SYT14: variants seen among roughly 807,000 people sequenced by gnomAD.
The protein encoded by SYT14 is synaptotagmin 14.
SYT14 carries 32 observed loss-of-function variants against 74.2 expected under a neutral mutation model. The ratio of observed to expected loss-of-function variants is 0.43; its 90% CI spans 0.33 to 0.58. The LOEUF (loss-of-function observed/expected upper bound fraction) is 0.58, where lower values mean the gene tolerates loss of function less well. Among genes scored for constraint, SYT14 ranks in the 20% least tolerant of loss-of-function variants. The pLI, the probability that SYT14 is intolerant of heterozygous loss-of-function variation, is 0.05. For missense variants in SYT14, 791 were observed against 981.8 expected, an observed-to-expected ratio of 0.81 and a Z score of 2.60; for synonymous variants, 298 against 337.7, an observed-to-expected ratio of 0.88 and a Z score of 1.29.
At chr1:210,153,309 CCT>C (rs781403849) in intron 7 of SYT14, among the ~76,000 whole-genome samples, 7 of 152,040 alleles carry the variant, frequency 4.6e-5, no homozygotes, top group Admixed American at 2.0e-4. Context: ...TTTCCATTCC[CCT>C]GATTACTAAT....
At position 210,000,470 on chromosome 1, in the gene SYT14, A is replaced by G. The variant is rs60234331; in HGVS notation, c.-485-13163A>G. Among the ~76,000 whole-genome samples, 188 of 145,072 alleles carry G rather than the reference A, an allele frequency of 1.3e-3. 1 individual carries two copies. Among genetic ancestry groups the G allele is most frequent in the South Asian group, 8.9e-3 (41 of 4,626 alleles). ...TTTAGTCCTTTGTCCTCATACGCAC[A>G]CACACACACACACACACACACACAC... On this transcript the variant is annotated intron_variant, in intron 2 of 9. Coordinates refer to ENST00000637265, the Ensembl canonical transcript of SYT14.
chr1:209,943,508 CAAAAAAAAAAAAAA>C (rs58806792), intron 1 of SYT14, among the ~76,000 whole-genome samples: 1 of 59,308 alleles, frequency 1.7e-5, no homozygotes, highest in Non-Finnish European at 2.9e-5. Flanking sequence ...GATTCAATCT[CAAAAAAAAAAAAAA>C]AAAAAAAAAA....
intron 7 of SYT14, among the ~76,000 whole-genome samples, chr1:210,130,680 C>T (rs2082655837): frequency 6.6e-6 from 1 of 152,100 alleles, no homozygotes; most frequent in Admixed American, 6.6e-5. Context: ...AGATTTGTTC[C>T]AAAATAACAC....
chr1:210,137,782 G>T (rs2082820894), intron 7 of SYT14, among the ~76,000 whole-genome samples: 1 of 151,054 alleles, frequency 6.6e-6, no homozygotes, highest in African/African-American at 2.4e-5. Context: ...CTGGGTTCAA[G>T]TGATTCTCCT....
At chr1:210,101,441 T>C (rs907934887) in intron 7 of SYT14, among the ~76,000 whole-genome samples, 1 of 152,172 alleles carries the variant, frequency 6.6e-6, no homozygotes, top group African/African-American at 2.4e-5. Flanking sequence ...GGCAACATTT[T>C]ATGTTGTAAG....
exon 4 of SYT14, chr1:210,016,166 C>T (rs1421785563): frequency 1.1e-5 from 13 of 1,231,936 alleles, no homozygotes; most frequent in East Asian, 9.5e-5. Context: ...GAGTGGCTTT[C>T]GCCCAGAAGA....
At chr1:209,953,394 C>A in intron 2 of SYT14, 1 of 539,782 alleles carries the variant, frequency 1.9e-6, no homozygotes, top group Non-Finnish European at 2.9e-6. Flanking sequence ...GAAAGATATT[C>A]CTGGGGAGGT....
intron 5 of SYT14, among the ~76,000 whole-genome samples, chr1:210,074,614 T>C (rs1301585071): frequency 6.6e-6 from 1 of 152,250 alleles, no homozygotes. Flanking sequence ...CTGTAAATTC[T>C]TTACTGTCGG....
At chr1:210,084,705 TATAAAG>T (rs2081686553) in intron 5 of SYT14, among the ~76,000 whole-genome samples, 1 of 152,192 alleles carries the variant, frequency 6.6e-6, no homozygotes, top group African/African-American at 2.4e-5. Flanking sequence ...TCTGGATAAA[TATAAAG>T]GAAAAGAGCA....
At chr1:210,061,055 C>T (rs2081199506) in intron 5 of SYT14, among the ~76,000 whole-genome samples, 1 of 151,964 alleles carries the variant, frequency 6.6e-6, no homozygotes, top group African/African-American at 2.4e-5. Flanking sequence ...AAAGGACTTC[C>T]ATGCCTTTAT....
chr1:209,951,941 A>G (rs1370992563), intron 1 of SYT14, among the ~76,000 whole-genome samples: 1 of 152,164 alleles, frequency 6.6e-6, no homozygotes, highest in African/African-American at 2.4e-5. Context: ...ACCAAGCTGT[A>G]ATGATAGCAC....
intron 7 of SYT14, among the ~76,000 whole-genome samples, chr1:210,150,997 C>T (rs2083146624): frequency 6.6e-6 from 1 of 152,104 alleles, no homozygotes; most frequent in African/African-American, 2.4e-5. Flanking sequence ...TTATGGTAAA[C>T]ATATAGAGTA....
intron 5 of SYT14, among the ~76,000 whole-genome samples, chr1:210,067,113 A>G (rs1044410313): frequency 6.6e-6 from 1 of 151,896 alleles, no homozygotes; most frequent in Non-Finnish European, 1.5e-5. Context: ...CCATACACAT[A>G]TGGTTTTGTT....
At chr1:210,027,313 G>A (rs1288647393) in intron 5 of SYT14, among the ~76,000 whole-genome samples, 3 of 151,822 alleles carry the variant, frequency 2.0e-5, no homozygotes, top group Non-Finnish European at 4.4e-5. Context: ...TTCTCAGGAT[G>A]CCAAGTCGGG....
At chr1:210,029,663 C>T (rs1434920728) in intron 5 of SYT14, among the ~76,000 whole-genome samples, 1 of 152,080 alleles carries the variant, frequency 6.6e-6, no homozygotes, top group African/African-American at 2.4e-5. Context: ...ATTACTGTAG[C>T]TTTATAGTAC....
At chr1:210,113,154 C>T (rs1027380864) in intron 7 of SYT14, among the ~76,000 whole-genome samples, 6 of 151,244 alleles carry the variant, frequency 4.0e-5, no homozygotes, top group Non-Finnish European at 5.9e-5. Flanking sequence ...GAACTCTGAC[C>T]GCACAGCCCT....
At position 209,942,368 on chromosome 1, in the gene SYT14, C is replaced by T. The variant is rs1012897500; in HGVS notation, c.-534+4091C>T. 2.2e-4 allele frequency among the ~76,000 whole-genome samples: 29 copies of T among 132,340 alleles called. No homozygotes were observed. The East Asian group carries it at 3.7e-3, about 17-fold the overall frequency. 86.8% of individuals were successfully genotyped at this position (132,340 alleles called of 152,430 possible). A position where few individuals can be genotyped will look rare whatever the true frequency, so the allele number is the denominator to read the frequency against. On this transcript the variant is annotated intron_variant, in intron 1 of 9. Transcript: ENST00000637265. ...AGCCTCCATGCAAATTTACCCCCCCCCCCCCGCTCTGTTGTGCAGATTTAC... is the reference window on the plus strand; with the variant it reads ...AGCCTCCATGCAAATTTACCCCCCCTCCCCCGCTCTGTTGTGCAGATTTAC...
At chr1:210,128,317 C>T (rs1157474941) in intron 7 of SYT14, among the ~76,000 whole-genome samples, 1 of 151,308 alleles carries the variant, frequency 6.6e-6, no homozygotes, top group Admixed American at 6.6e-5. Context: ...ATTGAGGCTG[C>T]AGTGAGCCAT....
intron 1 of SYT14, among the ~76,000 whole-genome samples, chr1:209,938,869 C>T (rs1025426248): frequency 3.3e-5 from 5 of 151,976 alleles, no homozygotes; most frequent in African/African-American, 7.3e-5. Context: ...GGTTAATTTC[C>T]TCCTCAAGTG....
Sources: gnomAD v4.1 joint callset for allele counts (sites outside exome capture counted in the v4.1 genomes callset) on GRCh38, gnomAD v4.1.1 for gene constraint, MANE v1.5 for transcripts, NCBI Gene and HGNC (gene_info 2026-07-23, HGNC 2026-07-21) for gene names.